CLK2: variants seen among roughly 807,000 people sequenced by gnomAD.
The protein encoded by CLK2 is CDC like kinase 2, also known as dual specificity protein kinase CLK2.
CLK2 carries 12 observed loss-of-function variants against 73.5 expected under a neutral mutation model. That is an observed-to-expected ratio of 0.16 (90% CI 0.10 to 0.26). CLK2 has a LOEUF of 0.26. Ranked by LOEUF, CLK2 falls within the 10% of genes least tolerant of loss-of-function variation. CLK2 has a pLI of 1.00. For missense variants in CLK2, 509 were observed against 688.4 expected, an observed-to-expected ratio of 0.74 and a Z score of 2.92; for synonymous variants, 232 against 237.9, an observed-to-expected ratio of 0.98 and a Z score of 0.23.
chr1:155,268,404 G>A lies in CLK2; in HGVS notation c.488-45C>T. 1 of 1,549,016 alleles carries A rather than the reference G, an allele frequency of 6.5e-7. No individual in the cohort carries two copies. Among genetic ancestry groups the A allele is most frequent in the South Asian group, 1.1e-5 (1 of 89,666 alleles). On this transcript the variant is annotated intron_variant, in intron 4 of 12. Transcript: ENST00000368361. The surrounding 1 kb of genome is among the most constrained non-coding windows in gnomAD (Gnocchi z 5.6). ...GGTCGGGGAGAGGGAGGGAGAGAAG[G>A]TGGGGAATGAGCTGAGTTGGAAGAA...
At chr1:155,269,009 A>C in intron 3 of CLK2, 1 of 603,288 alleles carries the variant, frequency 1.7e-6, no homozygotes. Context: ...CCAAACCCAA[A>C]ACAGGAACAG....
chr1:155,265,939 T>A lies in CLK2; in HGVS notation c.854A>T (p.Lys285Met). 1 of 1,612,418 alleles carries A rather than the reference T, an allele frequency of 6.2e-7. No individual in the cohort carries two copies. Among genetic ancestry groups the A allele is most frequent in the Non-Finnish European group, 8.5e-7 (1 of 1,178,476 alleles). Residue 285 changes from lysine to methionine, a missense_variant, in exon 8 of 13, where the codon AAG becomes ATG. Physicochemically the swap from Lys to Met is moderately conservative, Grantham distance 95. This residue lies in a region of CLK2 where 48 missense variants were observed against 144.9 expected (regional missense o/e 0.33). Coordinates refer to ENST00000368361, the MANE Select transcript of CLK2 (RefSeq NM_001294338.2). ...AGGCTTGAGGTCTGTATGTGTCAGC[T>A]TGTTATCATGGAGGACTGTAGGGGA... ...CQAVKFLHDN[K>M]LTHTDLKPEN...
chr1:155,268,307 A>G lies in CLK2; in HGVS notation c.540T>C (p.Cys180=), dbSNP rs1673327740. 1 of 1,614,028 alleles carries G rather than the reference A, an allele frequency of 6.2e-7. No homozygotes were observed. Among genetic ancestry groups the G allele is most frequent in the Non-Finnish European group, 8.5e-7 (1 of 1,179,998 alleles). ...GEGTFGRVVQ[C]VDHRRGGARV... is the part of the protein sequence containing the mutation. The stretch of plus-strand genomic sequence containing the variant: ...CTGACAGTTACCTGCGATGGTCAAC[A>G]CATTGTACAACTCGGCCGAAGGTCC... Residue 180 remains cysteine, a synonymous_variant, in exon 5 of 13, where the codon TGT becomes TGC. Coordinates refer to ENST00000368361, the MANE Select transcript of CLK2 (RefSeq NM_001294338.2). The surrounding 1 kb of genome is among the most constrained non-coding windows in gnomAD (Gnocchi z 5.6).
chr1:155,269,412 G>C, intron 3 of CLK2, 76 bp downstream of exon 3: 1 of 1,303,938 alleles, frequency 7.7e-7, no homozygotes, highest in Non-Finnish European at 1.1e-6. Flanking sequence ...CTGAGAACAA[G>C]GATACTGCTC....
intron 3 of CLK2, chr1:155,269,094 C>T (rs1383087799): frequency 1.0e-5 from 6 of 581,290 alleles, no homozygotes; most frequent in Non-Finnish European, 1.8e-5. Flanking sequence ...ACACAATGCC[C>T]TTCCGGGCAG....
Position 155,263,312 on chromosome 1 carries a change from G to C in CLK2, c.1406C>G (p.Thr469Ser), listed in dbSNP as rs774619061. 1 of 1,614,084 alleles carries C rather than the reference G, an allele frequency of 6.2e-7. No homozygotes were observed. The highest frequency in any genetic ancestry group is 1.7e-5 in the Admixed American group (1 of 60,016). ...MLEYEPAKRL[T>S]LGEALQHPFF... ...AGGATGCTGAAGGGCTTCACCCAAG[G>C]TCAGCCGCTTAGCTGGTTCATACTC... The change falls in exon 13 of 13, where the codon ACC becomes AGC. Residue 469 changes from threonine to serine, a missense_variant. By Grantham distance (58) the Thr-to-Ser change is moderately conservative. Around this residue, in one of 6 missense-constraint regions of CLK2, gnomAD observed 134 missense variants for 146.0 expected, o/e 0.92. Coordinates refer to ENST00000368361, the MANE Select transcript of CLK2 (RefSeq NM_001294338.2).
chr1:155,271,118 C>G, intron 1 of CLK2, 141 bp from the exon 2 acceptor site: 1 of 820,268 alleles, frequency 1.2e-6, no homozygotes, highest in Non-Finnish European at 1.9e-6. Flanking sequence ...CCTCAGTCTT[C>G]CTCTGTACTT....
Position 155,268,141 on chromosome 1 carries a change from G to A in CLK2, c.555-15C>T. On this transcript the variant is annotated splice_polypyrimidine_tract_variant and intron_variant, in intron 5 of 12. Transcript: ENST00000368361. The surrounding 1 kb of genome is among the most constrained non-coding windows in gnomAD (Gnocchi z 5.6). Reference sequence around the variant, plus strand: ...GAGCCCCACCCCTGTAAGTTGGCAGGAGAGGCTTTTGCTGGGTTCTCAAGA... The same window carrying A: ...GAGCCCCACCCCTGTAAGTTGGCAGAAGAGGCTTTTGCTGGGTTCTCAAGA... 6.2e-7 allele frequency: 1 copy of A among 1,608,394 alleles called. No individual in the cohort carries two copies. Among genetic ancestry groups the A allele is most frequent in the Non-Finnish European group, 8.5e-7 (1 of 1,174,804 alleles).
At chr1:155,267,012 C>T (rs1240282803) in intron 6 of CLK2, 117 bp from the exon 7 acceptor site, 2 of 1,161,716 alleles carry the variant, frequency 1.7e-6, no homozygotes, top group Non-Finnish European at 2.4e-6. Flanking sequence ...AAAACCATGC[C>T]AGCTAGTACT....
In CLK2 at chr1:155,263,448, C is replaced by T. The variant is rs759716885; in HGVS notation, c.1318-48G>A. ...AGGTGAGGCAGGATGCCTTACAAAC[C>T]CTGCCTTCTTCAAGACCCTACCTTT... On this transcript the variant is annotated intron_variant, in intron 12 of 12. Coordinates refer to ENST00000368361, the MANE Select transcript of CLK2 (RefSeq NM_001294338.2). The T allele has an allele frequency of 6.8e-6, 11 of 1,606,052 alleles. No individual in the cohort carries two copies. In the East Asian group the frequency reaches 2.2e-4, roughly 33 times the overall value.
chr1:155,264,616 C>T (rs775091170), intron 9 of CLK2, 29 bp downstream of exon 9: 1 of 1,614,252 alleles, frequency 6.2e-7, no homozygotes, highest in South Asian at 1.1e-5. Flanking sequence ...CATCATCTCA[C>T]ACACTTGGAC....
chr1:155,265,540 C>G (rs1392315511), intron 8 of CLK2, among the ~76,000 whole-genome samples: 1 of 147,026 alleles, frequency 6.8e-6, no homozygotes, highest in Non-Finnish European at 1.5e-5. Context: ...GCACATCAGT[C>G]TGGGCAACAG....
chr1:155,271,502 G>A (rs1482112772), intron 1 of CLK2, among the ~76,000 whole-genome samples: 2 of 152,130 alleles, frequency 1.3e-5, no homozygotes, highest in African/African-American at 2.4e-5. Context: ...GGGATTACAG[G>A]CGTGAGCCAC....
At chr1:155,267,370 G>A (rs992977976) in intron 6 of CLK2, among the ~76,000 whole-genome samples, 7 of 152,172 alleles carry the variant, frequency 4.6e-5, no homozygotes, top group Non-Finnish European at 5.9e-5. Context: ...GATTACAGGC[G>A]TGAGCCACCA....
intron 1 of CLK2, among the ~76,000 whole-genome samples, chr1:155,271,514 G>A (rs533270960): frequency 3.9e-5 from 6 of 152,196 alleles, no homozygotes; most frequent in South Asian, 4.1e-4. Context: ...GTGAGCCACC[G>A]CACCCAGCCA....
At chr1:155,272,929 G>T (rs1453685978) in intron 1 of CLK2, among the ~76,000 whole-genome samples, 1 of 152,046 alleles carries the variant, frequency 6.6e-6, no homozygotes, top group African/African-American at 2.4e-5. Flanking sequence ...GTCCAACTTT[G>T]ATATTCCACT....
chr1:155,264,864 G>C, intron 8 of CLK2, 90 bp from the exon 9 acceptor site: 1 of 1,505,254 alleles, frequency 6.6e-7, no homozygotes, highest in Non-Finnish European at 9.1e-7. Context: ...CTTAAAAAAG[G>C]TACTGTGATC....
Position 155,266,855 on chromosome 1 carries a change from G to A in CLK2, c.712C>T (p.His238Tyr). 1 of 1,613,424 alleles carries A rather than the reference G, an allele frequency of 6.2e-7. No homozygotes were observed. The highest frequency in any genetic ancestry group is 8.5e-7 in the Non-Finnish European group (1 of 1,179,702). The stretch of plus-strand genomic sequence containing the variant: ...AGAAGCTCAAAGGAGATACACATGT[G>A]GCCATGGTAGTCAAACCAGTCAAAC... ...QMFDWFDYHG[H>Y]MCISFELLGL... Residue 238 changes from histidine (H) to tyrosine (Y), a missense_variant, in exon 7 of 13, where the codon CAC (histidine) becomes TAC (tyrosine). This residue lies in a region of CLK2 where 76 missense variants were observed against 126.4 expected (regional missense o/e 0.60). Coordinates refer to ENST00000368361, the MANE Select transcript of CLK2 (RefSeq NM_001294338.2).
chr1:155,271,856 G>A (rs1050714661), intron 1 of CLK2, among the ~76,000 whole-genome samples: 3 of 152,112 alleles, frequency 2.0e-5, no homozygotes, highest in Non-Finnish European at 2.9e-5. Context: ...TCAGCTCCAG[G>A]GATCTGGGTC....
Sources: gnomAD v4.1 joint callset for allele counts (sites outside exome capture counted in the v4.1 genomes callset) on GRCh38, gnomAD v4.1.1 for gene constraint, gnomAD v4.1.1 regional missense constraint, Gnocchi (gnomAD v3.1) non-coding constraint, MANE v1.5 for transcripts, NCBI Gene and HGNC (gene_info 2026-07-23, HGNC 2026-07-21) for gene names.